TRAPPC9: variants seen among roughly 807,000 people sequenced by gnomAD.
TRAPPC9 encodes the protein IKK2 binding protein.
TRAPPC9 carries 83 observed loss-of-function variants against 124.0 expected under a neutral mutation model. That is an observed-to-expected ratio of 0.67 (90% CI 0.56 to 0.80). TRAPPC9 has a LOEUF of 0.80. TRAPPC9 is among the 30% of genes least tolerant of loss of function. The pLI is 0.00. For missense variants in TRAPPC9, 1,302 were observed against 1,508.3 expected, an observed-to-expected ratio of 0.86 and a Z score of 2.27; for synonymous variants, 638 against 617.5, an observed-to-expected ratio of 1.03 and a Z score of -0.49.
At chr8:140,088,793 C>T (rs535214281) in intron 17 of TRAPPC9, among the ~76,000 whole-genome samples, 16 of 152,184 alleles carry the variant, frequency 1.1e-4, no homozygotes, top group African/African-American at 3.4e-4. Context: ...AACTTCACTT[C>T]GACTTATTTT....
intron 17 of TRAPPC9, among the ~76,000 whole-genome samples, chr8:140,026,404 C>A (rs1365090046): frequency 1.3e-5 from 2 of 152,138 alleles, no homozygotes; most frequent in Non-Finnish European, 2.9e-5. Flanking sequence ...TTTTGAGAAG[C>A]CACCATATTG....
chr8:140,362,026 A>C (rs2067970356), intron 8 of TRAPPC9, among the ~76,000 whole-genome samples: 3 of 152,170 alleles, frequency 2.0e-5, no homozygotes, highest in African/African-American at 7.2e-5. Flanking sequence ...TCTGCCCTGC[A>C]CAGCTGACCA....
At chr8:139,816,560 G>A (rs1242105013) in intron 21 of TRAPPC9, among the ~76,000 whole-genome samples, 1 of 149,104 alleles carries the variant, frequency 6.7e-6, no homozygotes. Context: ...GGAGCCCAGA[G>A]AGTCCCCTCC....
At chr8:139,853,205 T>C (rs7012663) in intron 21 of TRAPPC9, among the ~76,000 whole-genome samples, 43,017 of 152,134 alleles carry the variant, frequency 0.28, 6,522 homozygotes, top group East Asian at 0.48. Flanking sequence ...GCTCGGCTCC[T>C]GTAGCACATG....
chr8:140,274,593 A>G (rs1039643205), intron 15 of TRAPPC9, among the ~76,000 whole-genome samples: 1 of 152,244 alleles, frequency 6.6e-6, no homozygotes, highest in Non-Finnish European at 1.5e-5. Context: ...CCAGAGCGGT[A>G]CAAGCCCAAA....
At chr8:140,028,442 T>C (rs2131951169) in intron 17 of TRAPPC9, among the ~76,000 whole-genome samples, 1 of 152,282 alleles carries the variant, frequency 6.6e-6, no homozygotes, top group African/African-American at 2.4e-5. Flanking sequence ...CTGCACTGAG[T>C]GACTTACACA....
intron 15 of TRAPPC9, among the ~76,000 whole-genome samples, chr8:140,254,005 G>A (rs1329051244): frequency 1.3e-5 from 2 of 152,178 alleles, no homozygotes; most frequent in Admixed American, 1.3e-4. Flanking sequence ...AGAACCTCAG[G>A]CAACACGGGA....
At chr8:140,101,003 T>C (rs1274346178) in intron 17 of TRAPPC9, among the ~76,000 whole-genome samples, 2 of 152,252 alleles carry the variant, frequency 1.3e-5, no homozygotes, top group Non-Finnish European at 1.5e-5. Flanking sequence ...TAACAAAAAG[T>C]TGAAATTAAG....
intron 4 of TRAPPC9, among the ~76,000 whole-genome samples, chr8:140,432,871 CAA>C (rs749037939): frequency 6.0e-5 from 8 of 132,344 alleles, no homozygotes; most frequent in East Asian, 2.2e-4. Flanking sequence ...GACTCTGTAT[CAA>C]AAAAAAAAAA....
intron 21 of TRAPPC9, among the ~76,000 whole-genome samples, chr8:139,819,677 C>T (rs7839250): frequency 0.28 from 41,805 of 151,956 alleles, 6,572 homozygotes; most frequent in East Asian, 0.44. Context: ...AATCATCCAC[C>T]AGCACCAAGT....
At chr8:139,823,219 G>A (rs1825374987) in intron 21 of TRAPPC9, among the ~76,000 whole-genome samples, 4 of 152,176 alleles carry the variant, frequency 2.6e-5, no homozygotes, top group Admixed American at 2.6e-4. Context: ...AGAGGCGCGA[G>A]GTGGGAGGAG....
At chr8:140,292,435 G>C (rs534963506) in intron 11 of TRAPPC9, among the ~76,000 whole-genome samples, 1 of 152,338 alleles carries the variant, frequency 6.6e-6, no homozygotes, top group South Asian at 2.1e-4. Context: ...CAGGGCAGTG[G>C]AGGGCTTCTT....
intron 21 of TRAPPC9, among the ~76,000 whole-genome samples, chr8:139,803,018 C>A (rs1041991611): frequency 6.6e-6 from 1 of 151,538 alleles, no homozygotes; most frequent in Non-Finnish European, 1.5e-5. Context: ...GTGTGTGCAT[C>A]CGTAGATGAA....
At chr8:139,798,402 C>T (rs1163795857) in intron 21 of TRAPPC9, among the ~76,000 whole-genome samples, 2 of 152,228 alleles carry the variant, frequency 1.3e-5, no homozygotes, top group Non-Finnish European at 2.9e-5. Context: ...AGAAATACTA[C>T]TTTAGCACCC....
chr8:139,913,198 TA>T (rs1831866504), intron 19 of TRAPPC9, among the ~76,000 whole-genome samples: 1 of 152,208 alleles, frequency 6.6e-6, no homozygotes, highest in East Asian at 1.9e-4. Flanking sequence ...CCTCCAACCT[TA>T]ACAAAACTGT....
intron 17 of TRAPPC9, among the ~76,000 whole-genome samples, chr8:140,158,138 G>C (rs1237963351): frequency 6.6e-6 from 1 of 152,084 alleles, no homozygotes; most frequent in East Asian, 1.9e-4. Context: ...GAAATTGTTA[G>C]TCAAAAGGTT....
intron 17 of TRAPPC9, among the ~76,000 whole-genome samples, chr8:140,127,909 A>C (rs573151777): frequency 4.0e-4 from 61 of 152,242 alleles, no homozygotes; most frequent in Non-Finnish European, 7.6e-4. Flanking sequence ...ATTAACCTGA[A>C]GTCATAAATT....
chr8:140,439,217 G>T lies in TRAPPC9; in HGVS notation c.585-20C>A, dbSNP rs548975411. The T allele has an allele frequency of 7.4e-6, 12 of 1,613,474 alleles. No homozygotes were observed. In the Admixed American group the frequency reaches 2.0e-4, roughly 27 times the overall value. On this transcript the variant is annotated intron_variant, in intron 2 of 22. Transcript: ENST00000438773. ...TAATGTCTAGAAAATACATGAAAAT[G>T]TATCTTTATTACTATACAACTCCCA...
At chr8:140,423,845 A>G (rs540923268) in intron 5 of TRAPPC9, among the ~76,000 whole-genome samples, 1 of 152,338 alleles carries the variant, frequency 6.6e-6, no homozygotes, top group Non-Finnish European at 1.5e-5. Context: ...TGAAACATAC[A>G]GTAAGTGAAA....
Sources: gnomAD v4.1 joint callset for allele counts (sites outside exome capture counted in the v4.1 genomes callset) on GRCh38, gnomAD v4.1.1 for gene constraint, MANE v1.5 for transcripts, NCBI Gene and HGNC (gene_info 2026-07-23, HGNC 2026-07-21) for gene names.